The following GRIA1 variants were observed in gnomAD, a reference collection of about 807,000 sequenced individuals.
GRIA1 encodes the protein glutamate ionotropic receptor AMPA type subunit 1.
In GRIA1, 31 loss-of-function variants were observed where a neutral mutation model predicts 99.2. The ratio of observed to expected loss-of-function variants is 0.31; its 90% CI spans 0.23 to 0.42. The LOEUF (loss-of-function observed/expected upper bound fraction) is 0.42. GRIA1 is among the 10% of genes least tolerant of loss of function. The pLI is 1.00. For synonymous variants in GRIA1, 438 were observed against 432.4 expected (o/e 1.01, Z -0.16); for missense variants, 782 against 1,157.5 (o/e 0.68, Z 4.71).
rs55874747 is a variant in GRIA1 at position 153,738,720 on chromosome 5, C to CTTTTTTTTTT, written c.1824-25705_1824-25696dup. 7.8e-4 allele frequency among the ~76,000 whole-genome samples: 80 copies of CTTTTTTTTTT among 102,318 alleles called. 5 individuals carry two copies. Among genetic ancestry groups the CTTTTTTTTTT allele is most frequent in the African/African-American group, 1.7e-3 (42 of 24,716 alleles). 67.1% of individuals were successfully genotyped at this position (102,318 alleles called of 152,430 possible). A position where few individuals can be genotyped will look rare whatever the true frequency, so the allele number is the denominator to read the frequency against. On this transcript the variant is annotated intron_variant, in intron 11 of 15. Transcript: ENST00000285900. The stretch of plus-strand genomic sequence containing the variant: ...TGTTGCGTGTTCATCTCCATACCTT[C>CTTTTTTTTTT]TTTTTTTTTTTTTTTTTTGGAGAAG...
At chr5:153,629,710 T>C (rs1334721194) in intron 2 of GRIA1, among the ~76,000 whole-genome samples, 2 of 152,252 alleles carry the variant, frequency 1.3e-5, no homozygotes, top group Non-Finnish European at 2.9e-5. Context: ...AGGATCCTCA[T>C]CTTGGAAATC....
At chr5:153,776,962 T>C (rs1157944364) in intron 13 of GRIA1, among the ~76,000 whole-genome samples, 1 of 152,170 alleles carries the variant, frequency 6.6e-6, no homozygotes, top group Non-Finnish European at 1.5e-5. Context: ...AGAGTTCTCT[T>C]CTTTTAGAGA....
chr5:153,764,746 C>T, intron 12 of GRIA1, 114 bp downstream of exon 12: 2 of 730,830 alleles, frequency 2.7e-6, no homozygotes, highest in Non-Finnish European at 4.7e-6. Context: ...AAGTGCTTAA[C>T]TGACTGTAAG....
rs558082848 is a variant in GRIA1 at position 153,492,762 on chromosome 5, C to T, written c.83-1166C>T. The stretch of plus-strand genomic sequence containing the variant: ...ATTTAGCCCTAACTTGGTTGTTCAA[C>T]TGATAAAGCCATTGCTACTGTTTTC... On this transcript the variant is annotated intron_variant, in intron 1 of 15. Transcript: ENST00000285900. Among the ~76,000 whole-genome samples the T allele has an allele frequency of 7.3e-5, 11 of 151,572 alleles. No individual in the cohort carries two copies. In the South Asian group the frequency reaches 2.3e-3, roughly 32 times the overall value.
chr5:153,565,497 AT>A (rs1247094591), intron 2 of GRIA1, among the ~76,000 whole-genome samples: 1 of 152,142 alleles, frequency 6.6e-6, no homozygotes, highest in African/African-American at 2.4e-5. Flanking sequence ...TCAGTTCAGT[AT>A]TTTTTAGTAT....
chr5:153,672,810 A>T (rs1206464142), intron 5 of GRIA1, among the ~76,000 whole-genome samples: 6 of 152,210 alleles, frequency 3.9e-5, no homozygotes, highest in South Asian at 2.1e-4. Flanking sequence ...TTCCCATTTC[A>T]TTCATTGGAA....
rs186260659 is a variant in GRIA1 at position 153,538,697 on chromosome 5, C to T, written c.220+44632C>T. On this transcript the variant is annotated intron_variant, in intron 2 of 15. Transcript: ENST00000285900. Reference sequence around the variant, plus strand: ...GTCCCACTGCACAGCCACCCACCCACCCTTTTTGTGTGACACTTGCGTTAG... The same window carrying T: ...GTCCCACTGCACAGCCACCCACCCATCCTTTTTGTGTGACACTTGCGTTAG... Among the ~76,000 whole-genome samples the T allele has an allele frequency of 4.1e-3, 620 of 152,294 alleles. 5 individuals carry two copies. The highest frequency in any genetic ancestry group is 0.014 in the African/African-American group (599 of 41,558).
intron 2 of GRIA1, among the ~76,000 whole-genome samples, chr5:153,619,952 T>C (rs1177133509): frequency 6.6e-6 from 1 of 152,168 alleles, no homozygotes; most frequent in African/African-American, 2.4e-5. Context: ...TAGATAAATA[T>C]AAGGAAGTTA....
chr5:153,781,127 C>T (rs1019263482), intron 13 of GRIA1, among the ~76,000 whole-genome samples: 1 of 152,148 alleles, frequency 6.6e-6, no homozygotes, highest in African/African-American at 2.4e-5. Context: ...TCTAATCAGC[C>T]TGTTCCTCAG....
chr5:153,708,628 C>T (rs572616899), intron 11 of GRIA1, among the ~76,000 whole-genome samples: 1 of 152,234 alleles, frequency 6.6e-6, no homozygotes, highest in Non-Finnish European at 1.5e-5. Flanking sequence ...TAACTGGATG[C>T]TTTTTTTATT....
chr5:153,703,284 T>C (rs908449739), intron 10 of GRIA1, among the ~76,000 whole-genome samples: 7 of 152,236 alleles, frequency 4.6e-5, no homozygotes, highest in Non-Finnish European at 7.3e-5. Context: ...CACATTCTAC[T>C]TACTCCTCTT....
intron 2 of GRIA1, among the ~76,000 whole-genome samples, chr5:153,567,384 A>AG (rs1182241820): frequency 3.3e-5 from 5 of 152,242 alleles, no homozygotes; most frequent in Non-Finnish European, 7.3e-5. Context: ...GCGTGTGTCC[A>AG]GGGTGGGGAG....
chr5:153,495,180 A>G (rs1485551296), intron 2 of GRIA1, among the ~76,000 whole-genome samples: 3 of 152,232 alleles, frequency 2.0e-5, no homozygotes, highest in Non-Finnish European at 4.4e-5. Context: ...ATTTATTGAG[A>G]ACTTACTGTG....
intron 2 of GRIA1, among the ~76,000 whole-genome samples, chr5:153,564,591 GT>G: frequency 6.6e-6 from 1 of 152,150 alleles, no homozygotes; most frequent in Non-Finnish European, 1.5e-5. Flanking sequence ...TGTTGGAGCT[GT>G]CAGCTGCAAC....
At chr5:153,535,017 G>T (rs368828373) in intron 2 of GRIA1, among the ~76,000 whole-genome samples, 1 of 152,170 alleles carries the variant, frequency 6.6e-6, no homozygotes, top group African/African-American at 2.4e-5. Context: ...TACCTCCTGG[G>T]TTCAAGCAAT....
At chr5:153,640,786 G>A (rs1484340149) in intron 2 of GRIA1, among the ~76,000 whole-genome samples, 2 of 152,084 alleles carry the variant, frequency 1.3e-5, no homozygotes, top group Non-Finnish European at 2.9e-5. Context: ...CAATTTTCTG[G>A]CAATATTAGT....
intron 13 of GRIA1, among the ~76,000 whole-genome samples, chr5:153,792,486 C>G (rs779645137): frequency 1.3e-5 from 2 of 152,202 alleles, no homozygotes; most frequent in Non-Finnish European, 2.9e-5. Flanking sequence ...TCCCTTTTGT[C>G]CCTGCACTGA....
chr5:153,611,456 T>C (rs1765970997), intron 2 of GRIA1, among the ~76,000 whole-genome samples: 1 of 152,206 alleles, frequency 6.6e-6, no homozygotes, highest in African/African-American at 2.4e-5. Context: ...TTTTCTGTTC[T>C]CTAATTGAGG....
At chr5:153,656,366 G>A (rs1754948186) in intron 5 of GRIA1, among the ~76,000 whole-genome samples, 1 of 114,916 alleles carries the variant, frequency 8.7e-6, no homozygotes, top group African/African-American at 3.5e-5. Flanking sequence ...TTTTCTATAT[G>A]GCATAGATAA....
Sources: gnomAD v4.1 joint callset for allele counts (sites outside exome capture counted in the v4.1 genomes callset) on GRCh38, gnomAD v4.1.1 for gene constraint, MANE v1.5 for transcripts, NCBI Gene and HGNC (gene_info 2026-07-23, HGNC 2026-07-21) for gene names.